SRGAP1: variants seen among roughly 807,000 people sequenced by gnomAD.
SRGAP1 encodes SLIT-ROBO Rho GTPase activating protein 1, also known as SLIT-ROBO Rho GTPase-activating protein 1.
Under a neutral mutation model 121.9 loss-of-function variants are expected in SRGAP1, and 43 were observed. The ratio of observed to expected loss-of-function variants is 0.35; its 90% confidence interval spans 0.28 to 0.46. The LOEUF (loss-of-function observed/expected upper bound fraction) is 0.46. SRGAP1 is among the 20% of genes least tolerant of loss of function. The probability of loss-of-function intolerance (pLI) is 1.00; values close to 1 mark genes in which losing one functional copy is unlikely to be tolerated. For synonymous variants in SRGAP1, 447 were observed against 485.4 expected (o/e 0.92, Z 1.04); for missense variants, 1,102 against 1,350.9 (o/e 0.82, Z 2.89).
At chr12:63,859,002 C>T (rs143475196) in intron 1 of SRGAP1, among the ~76,000 whole-genome samples, 1,655 of 151,488 alleles carry the variant, frequency 0.011, 10 homozygotes, top group Non-Finnish European at 0.018. Context: ...TGTGCCTGGC[C>T]GATAAATTAT....
At chr12:64,001,438 C>T (rs981299490) in intron 3 of SRGAP1, among the ~76,000 whole-genome samples, 4 of 152,102 alleles carry the variant, frequency 2.6e-5, no homozygotes, top group South Asian at 2.1e-4. Flanking sequence ...TTGCTTTGGT[C>T]AATGGGACAA....
intron 15 of SRGAP1, among the ~76,000 whole-genome samples, chr12:64,103,764 T>A (rs1268565116): frequency 6.6e-6 from 1 of 152,244 alleles, no homozygotes. Flanking sequence ...ATATGATAAT[T>A]CAGCAGAATA....
chr12:63,969,163 A>G (rs894212128), intron 1 of SRGAP1, among the ~76,000 whole-genome samples: 1 of 152,210 alleles, frequency 6.6e-6, no homozygotes, highest in African/African-American at 2.4e-5. Context: ...AGTTGCATTT[A>G]AAACCTAACC....
At chr12:64,061,168 A>G (rs987339591) in intron 6 of SRGAP1, among the ~76,000 whole-genome samples, 5 of 152,096 alleles carry the variant, frequency 3.3e-5, no homozygotes, top group Non-Finnish European at 5.9e-5. Context: ...ACAAATGCAA[A>G]TTAAAGATAA....
intron 6 of SRGAP1, among the ~76,000 whole-genome samples, chr12:64,061,952 T>TTAGA: frequency 6.6e-6 from 1 of 152,218 alleles, no homozygotes; most frequent in Admixed American, 6.5e-5. Flanking sequence ...TTAGATTGTT[T>TTAGA]TTACCTTTTA....
intron 1 of SRGAP1, among the ~76,000 whole-genome samples, chr12:63,942,099 A>G (rs2136351475): frequency 6.6e-6 from 1 of 152,230 alleles, no homozygotes; most frequent in South Asian, 2.1e-4. Flanking sequence ...AATTCTGTAA[A>G]ACTCTCCCCC....
intron 4 of SRGAP1, chr12:64,032,728 T>C (rs2034808767): frequency 3.7e-6 from 1 of 272,260 alleles, no homozygotes; most frequent in African/African-American, 2.2e-5. Context: ...TCACTTATTA[T>C]TGATCTTGAG....
chr12:64,113,030 C>T (rs1200646132), intron 17 of SRGAP1, among the ~76,000 whole-genome samples: 1 of 151,762 alleles, frequency 6.6e-6, no homozygotes, highest in Non-Finnish European at 1.5e-5. Flanking sequence ...CATTTGAGCC[C>T]AGGAGTTTAA....
chr12:64,096,680 A>G (rs1230272735), intron 14 of SRGAP1, among the ~76,000 whole-genome samples: 3 of 152,182 alleles, frequency 2.0e-5, no homozygotes, highest in African/African-American at 2.4e-5. Flanking sequence ...AAGTTCCTCT[A>G]TCTGATTTTA....
chr12:63,884,461 C>T (rs1477493717), intron 1 of SRGAP1, among the ~76,000 whole-genome samples: 1 of 151,964 alleles, frequency 6.6e-6, no homozygotes, highest in African/African-American at 2.4e-5. Flanking sequence ...TCAGTACATA[C>T]CTGTGTTGTA....
chr12:63,903,091 T>C (rs1268853524), intron 1 of SRGAP1, among the ~76,000 whole-genome samples: 3 of 152,200 alleles, frequency 2.0e-5, no homozygotes, highest in Admixed American at 6.5e-5. Flanking sequence ...AGTGTGTGTG[T>C]ATGTGTGTTT....
chr12:64,016,539 A>T (rs1366575030), intron 3 of SRGAP1, among the ~76,000 whole-genome samples: 6 of 152,156 alleles, frequency 3.9e-5, no homozygotes, highest in African/African-American at 1.4e-4. Flanking sequence ...GTCACATTGT[A>T]ACTTTGGGCA....
Position 64,143,435 on chromosome 12 carries a change from C to T in SRGAP1, c.*763C>T, listed in dbSNP as rs2037000433. On this transcript the variant is annotated 3_prime_UTR_variant, in exon 22 of 22. Coordinates refer to ENST00000355086, the MANE Select transcript of SRGAP1 (RefSeq NM_020762.4). ...TTCCAAGTCCCCCCATCTACACTTACAAACGATTAGAAGGGTTTAATTTTA... is the reference window on the plus strand; with the variant it reads ...TTCCAAGTCCCCCCATCTACACTTATAAACGATTAGAAGGGTTTAATTTTA... 6.6e-6 allele frequency: 1 copy of T among 152,216 alleles called. No homozygotes were observed. The highest frequency in any genetic ancestry group is 2.4e-5 in the African/African-American group (1 of 41,438). 9.4% of individuals were successfully genotyped at this position (152,216 alleles called of 1,614,324 possible). A position where few individuals can be genotyped will look rare whatever the true frequency, so the allele number is the denominator to read the frequency against.
At chr12:63,922,397 G>A (rs1020627553) in intron 1 of SRGAP1, among the ~76,000 whole-genome samples, 3 of 152,174 alleles carry the variant, frequency 2.0e-5, no homozygotes, top group East Asian at 3.8e-4. Context: ...GTAAACAGAA[G>A]GCATTTCAGT....
rs1025574088 is a variant in SRGAP1 at position 64,065,058 on chromosome 12, C to T, written c.1024-60C>T. 1.0e-4 allele frequency: 126 copies of T among 1,232,250 alleles called. No homozygotes were observed. The Middle Eastern group carries it at 1.5e-3, about 15-fold the overall frequency. 76.3% of individuals were successfully genotyped at this position (1,232,250 alleles called of 1,614,324 possible). On this transcript the variant is annotated intron_variant, in intron 7 of 21. Coordinates refer to ENST00000355086, the MANE Select transcript of SRGAP1 (RefSeq NM_020762.4). ...TCATGCATCATTTAAATAACAGAGC[C>T]GTGCTTCTGGAGGTGGGTTGATGGT...
Position 64,152,151 on chromosome 12 carries a change from A to G in SRGAP1, c.*9479A>G, listed in dbSNP as rs1015926901. 1.3e-5 allele frequency: 2 copies of G among 152,244 alleles called. No homozygotes were observed. The allele number at this position is 152,244 out of a possible 1,614,324, so 9.4% of individuals were successfully genotyped here. Reference sequence around the variant, plus strand: ...TTTCCTCAACACGTTGCATGTCAATAGCCAACATGTATTGAGTACCAGACT... The same window carrying G: ...TTTCCTCAACACGTTGCATGTCAATGGCCAACATGTATTGAGTACCAGACT... On this transcript the variant is annotated 3_prime_UTR_variant, in exon 22 of 22. Coordinates refer to ENST00000355086, the MANE Select transcript of SRGAP1 (RefSeq NM_020762.4).
rs1324348994 is a variant in SRGAP1 at position 64,156,559 on chromosome 12, C to G, written c.*13887C>G. ...AGCACGTTTCTAGGTGCCCTGACCC[C>G]AAGATTAGGGGTTTTGTTAGAGGCA... On this transcript the variant is annotated 3_prime_UTR_variant, in exon 22 of 22. Transcript: ENST00000355086. The G allele has an allele frequency of 1.3e-5, 2 of 152,006 alleles. No individual in the cohort carries two copies. Among genetic ancestry groups the G allele is most frequent in the Non-Finnish European group, 2.9e-5 (2 of 68,020 alleles). The allele number at this position is 152,006 out of a possible 1,614,324, so 9.4% of individuals were successfully genotyped here. A position where few individuals can be genotyped will look rare whatever the true frequency, so the allele number is the denominator to read the frequency against.
intron 1 of SRGAP1, among the ~76,000 whole-genome samples, chr12:63,949,673 C>T (rs1401342343): frequency 2.0e-5 from 3 of 151,826 alleles, no homozygotes; most frequent in African/African-American, 7.3e-5. Context: ...GTGATCCGCC[C>T]GCCTCGGCCT....
chr12:63,912,078 G>C (rs1592939391), intron 1 of SRGAP1, among the ~76,000 whole-genome samples: 1 of 152,156 alleles, frequency 6.6e-6, no homozygotes, highest in Non-Finnish European at 1.5e-5. Context: ...AAGAAGAGAA[G>C]GGGGACATTA....
Sources: allele counts gnomAD v4.1 joint callset (sites outside exome capture counted in the v4.1 genomes callset), GRCh38; gene constraint gnomAD v4.1.1; transcripts MANE v1.5; gene names NCBI Gene and HGNC (gene_info 2026-07-23, HGNC 2026-07-21).